NOS1: variants seen among roughly 807,000 people sequenced by gnomAD.
The protein encoded by NOS1 is NOS type I.
A neutral mutation model predicts 164.5 loss-of-function variants in NOS1; 51 were observed. The observed-to-expected ratio is 0.31, with a 90% CI of 0.25 to 0.39. The LOEUF (loss-of-function observed/expected upper bound fraction) is 0.39. Ranked by LOEUF, NOS1 falls within the 10% of genes least tolerant of loss-of-function variation. NOS1 has a pLI of 1.00. For missense variants in NOS1, 1,362 were observed against 1,885.6 expected (o/e 0.72, Z 5.14); for synonymous variants, 719 against 745.8 (o/e 0.96, Z 0.59).
chr12:117,244,833 G>A (rs968642022), intron 18 of NOS1, among the ~76,000 whole-genome samples: 5 of 152,274 alleles, frequency 3.3e-5, no homozygotes, highest in South Asian at 4.1e-4. Flanking sequence ...CCATTCATGC[G>A]AAATGTCCAG....
chr12:117,231,317 CAG>C (rs1869202865), intron 22 of NOS1, among the ~76,000 whole-genome samples: 1 of 142,304 alleles, frequency 7.0e-6, no homozygotes, highest in African/African-American at 2.7e-5. Flanking sequence ...GACTCTGTCT[CAG>C]AGAAAAAAAA....
At position 117,260,564 on chromosome 12, in the gene NOS1, C is replaced by T; in HGVS notation, c.2268G>A (p.Lys756=). 1.2e-6 allele frequency: 2 copies of T among 1,614,194 alleles called. No homozygotes were observed. The highest frequency in any genetic ancestry group is 2.2e-5 in the East Asian group (1 of 44,876). Residue 756 remains lysine (K), a synonymous_variant, in exon 14 of 29, where the codon AAG becomes AAA. Transcript: ENST00000317775. ...SAKLMGQAMA[K]RVKATILYAT... ...CATAGAGGATGGTCGCTTTCACCCT[C>T]TTGGCCATAGCCTGCCCCATCAGCT...
intron 16 of NOS1, 101 bp downstream of exon 16, chr12:117,258,296 C>T (rs1478580240): frequency 8.6e-7 from 1 of 1,162,212 alleles, no homozygotes; most frequent in Admixed American, 1.9e-5. Flanking sequence ...CTTCAGATTA[C>T]AGCCACCATC....
intron 16 of NOS1, 67 bp from the exon 17 acceptor site, chr12:117,253,821 T>A (rs1871261167): frequency 1.9e-6 from 2 of 1,064,708 alleles, no homozygotes; most frequent in Non-Finnish European, 2.9e-6. Flanking sequence ...ACACCCTTGA[T>A]GGATCTTCAA....
Position 117,215,258 on chromosome 12 carries a change from G to A in NOS1, c.*51C>T. 1 of 1,497,880 alleles carries A rather than the reference G, an allele frequency of 6.7e-7. No homozygotes were observed. Among genetic ancestry groups the A allele is most frequent in the Non-Finnish European group, 8.9e-7 (1 of 1,119,194 alleles). The allele number at this position is 1,497,880 out of a possible 1,614,324, so 92.8% of individuals were successfully genotyped here. A position where few individuals can be genotyped will look rare whatever the true frequency, so the allele number is the denominator to read the frequency against. ...GGGGTCCCAGAGGAAAGGTTCAGCA[G>A]TGTCTGTCCGCGCTTACAAAACTTG... On this transcript the variant is annotated 3_prime_UTR_variant, in exon 29 of 29. Transcript: ENST00000317775.
At chr12:117,345,419 C>A (rs1185524783) in intron 1 of NOS1, among the ~76,000 whole-genome samples, 1 of 152,034 alleles carries the variant, frequency 6.6e-6, no homozygotes, top group Non-Finnish European at 1.5e-5. Context: ...TGGTGAAATA[C>A]CTCCAAAAAT....
Position 117,330,329 on chromosome 12 carries a change from C to CACACAA in NOS1, c.725+15_725+16insTTGTGT. ...ACACACACACACACACACACACACA[C>CACACAA]CCCTGTGGAGCTTACCTGTCCACCT... On this transcript the variant is annotated intron_variant, in intron 2 of 28. Transcript: ENST00000317775. This position sits in a 1 kb window ranked among gnomAD's most constrained non-coding sequence, Gnocchi z 4.6. The CACACAA allele has an allele frequency of 3.1e-6, 5 of 1,597,476 alleles. No homozygotes were observed. The South Asian group carries it at 5.7e-5, about 18-fold the overall frequency.
intron 1 of NOS1, among the ~76,000 whole-genome samples, chr12:117,355,879 C>T (rs948378577): frequency 8.5e-5 from 13 of 152,168 alleles, no homozygotes; most frequent in Admixed American, 4.6e-4. Context: ...CCCACCTCAG[C>T]CTGCTGAGCA....
chr12:117,330,883 T>C lies in NOS1; in HGVS notation c.187A>G (p.Ile63Val), dbSNP rs1394322940. 1 of 1,614,098 alleles carries C rather than the reference T, an allele frequency of 6.2e-7. No individual in the cohort carries two copies. Residue 63 changes from isoleucine to valine, a missense_variant, in exon 2 of 29, where the codon ATC becomes GTC. Around this residue, in one of 4 missense-constraint regions of NOS1, gnomAD observed 362 missense variants for 402.0 expected, o/e 0.90. Coordinates refer to ENST00000317775, the MANE Select transcript of NOS1 (RefSeq NM_000620.5). This position sits in a 1 kb window ranked among gnomAD's most constrained non-coding sequence, Gnocchi z 4.6. ...EQSGLIQAGD[I>V]ILAVNGRPLV... ...GGCCGGCCGTTGACCGCAAGAATGA[T>C]GTCTCCGGCCTGGATGAGGCCACTC...
rs1307105884 is a variant in NOS1, at chr12:117,209,704, G to C, written c.*5605C>G. 7 of 985,348 alleles carry C rather than the reference G, an allele frequency of 7.1e-6. No individual in the cohort carries two copies. Among genetic ancestry groups the C allele is most frequent in the Non-Finnish European group, 8.4e-6 (7 of 829,950 alleles). The allele number at this position is 985,348 out of a possible 1,614,324, so 61.0% of individuals were successfully genotyped here. On this transcript the variant is annotated 3_prime_UTR_variant, in exon 29 of 29. Coordinates refer to ENST00000317775, the MANE Select transcript of NOS1 (RefSeq NM_000620.5). ...AAGTATTAATAGGAAACAGACTCTC[G>C]ACAGACACTGCTTTCCACGGGTGAA... is the stretch of plus-strand genomic sequence containing the variant.
Position 117,260,552 on chromosome 12 carries a change from C to T in NOS1, c.2280G>A (p.Ala760=), listed in dbSNP as rs762855792. The change falls in exon 14 of 29, where the codon GCG becomes GCA. Residue 760 remains alanine (A), a synonymous_variant. Transcript: ENST00000317775. The part of the protein sequence containing the change: ...MGQAMAKRVK[A]TILYATETGK... ...CTGTCTCTGTGGCATAGAGGATGGT[C>T]GCTTTCACCCTCTTGGCCATAGCCT... 1.9e-5 allele frequency: 31 copies of T among 1,613,980 alleles called. No individual in the cohort carries two copies. Among genetic ancestry groups the T allele is most frequent in the Admixed American group, 1.7e-4 (10 of 59,988 alleles).
chr12:117,244,441 G>A (rs1045365562), intron 18 of NOS1, among the ~76,000 whole-genome samples: 1 of 152,052 alleles, frequency 6.6e-6, no homozygotes, highest in African/African-American at 2.4e-5. Context: ...GTTTCGCCAT[G>A]TTGGCCAGGC....
intron 2 of NOS1, among the ~76,000 whole-genome samples, chr12:117,317,726 C>T (rs1335459332): frequency 2.0e-5 from 3 of 152,102 alleles, no homozygotes; most frequent in Admixed American, 1.3e-4. Flanking sequence ...GGCCCTCACC[C>T]ACCCCTCTCA....
chr12:117,212,919 C>T lies in NOS1; in HGVS notation c.*2390G>A, dbSNP rs9658574. 0.023 allele frequency: 22,415 copies of T among 985,294 alleles called. 330 individuals are homozygous for T. The highest frequency in any genetic ancestry group is 0.065 in the South Asian group (1,378 of 21,282). The allele number at this position is 985,294 out of a possible 1,614,324, so 61.0% of individuals were successfully genotyped here. A position where few individuals can be genotyped will look rare whatever the true frequency, so the allele number is the denominator to read the frequency against. On this transcript the variant is annotated 3_prime_UTR_variant, in exon 29 of 29. Transcript: ENST00000317775. ...ATCAGATCGCTCTCCTGCCTTCTAG[C>T]CTGGAGTTGTGAAGCAGCTTGTGTT...
rs1033816499 is a variant in NOS1, at chr12:117,359,236, C to T, written c.-421+2276G>A. ...GGTGCTGGTGGGGCGGACACCCCCT[C>T]CTTCAGGGACCTGCCGAGGCTTCTC... On this transcript the variant is annotated intron_variant, in intron 1 of 28. Transcript: ENST00000317775. Among the ~76,000 whole-genome samples the T allele has an allele frequency of 8.1e-4, 124 of 152,352 alleles. 1 individual carries two copies. The highest frequency in any genetic ancestry group is 5.9e-4 in the Non-Finnish European group (40 of 68,032).
At chr12:117,265,817 G>A (rs968974356) in intron 11 of NOS1, among the ~76,000 whole-genome samples, 1 of 151,326 alleles carries the variant, frequency 6.6e-6, no homozygotes, top group Non-Finnish European at 1.5e-5. Context: ...TTGAGACGGA[G>A]TCTTGCTCTA....
At position 117,210,206 on chromosome 12, in the gene NOS1, C is replaced by G. The variant is rs58982059; in HGVS notation, c.*5103G>C. ...GTGTTGCCCAAGCTGGTCTCAAACT[C>G]CTGGCCCCAAGTGATCCTCCCACCT... On this transcript the variant is annotated 3_prime_UTR_variant, in exon 29 of 29. Coordinates refer to ENST00000317775, the MANE Select transcript of NOS1 (RefSeq NM_000620.5). The G allele has an allele frequency of 6.3e-3, 4,908 of 778,228 alleles. 219 individuals carry two copies. In the African/African-American group the frequency reaches 0.089, roughly 14 times the overall value. The allele number at this position is 778,228 out of a possible 1,614,324, so 48.2% of individuals were successfully genotyped here.
At chr12:117,226,415 TC>T (rs1213049803) in intron 24 of NOS1, among the ~76,000 whole-genome samples, 2 of 152,232 alleles carry the variant, frequency 1.3e-5, no homozygotes, top group East Asian at 3.9e-4. Context: ...TGCATGGTTT[TC>T]CCCGATAGCT....
intron 3 of NOS1, among the ~76,000 whole-genome samples, chr12:117,296,913 C>T (rs1299687490): frequency 1.3e-5 from 2 of 152,202 alleles, no homozygotes; most frequent in African/African-American, 4.8e-5. Flanking sequence ...TGCAAGCTGA[C>T]AAGAAAGCCC....
Sources: allele counts gnomAD v4.1 joint callset (sites outside exome capture counted in the v4.1 genomes callset), GRCh38; gene constraint gnomAD v4.1.1; regional missense constraint gnomAD v4.1.1; non-coding constraint Gnocchi (gnomAD v3.1); transcripts MANE v1.5; gene names NCBI Gene and HGNC (gene_info 2026-07-23, HGNC 2026-07-21).